FARP2: variants seen among roughly 807,000 people sequenced by gnomAD.
FARP2 encodes the protein FERM, ARHGEF and pleckstrin domain-containing protein 2.
Under a neutral mutation model 130.5 loss-of-function variants are expected in FARP2, and 111 were observed. The observed-to-expected ratio is 0.85, with a 90% CI of 0.73 to 1.00. The LOEUF (loss-of-function observed/expected upper bound fraction) is 1.00, where lower values mean the gene tolerates loss of function less well. Ranked by LOEUF, FARP2 falls within the 50% of genes least tolerant of loss-of-function variation. FARP2 has a pLI of 0.00. For missense variants in FARP2, 1,385 were observed against 1,346.3 expected, an observed-to-expected ratio of 1.03 and a Z score of -0.45; for synonymous variants, 504 against 516.9, an observed-to-expected ratio of 0.98 and a Z score of 0.34.
intron 2 of FARP2, among the ~76,000 whole-genome samples, chr2:241,374,913 A>C (rs1187203317): frequency 6.6e-6 from 1 of 152,096 alleles, no homozygotes; most frequent in African/African-American, 2.4e-5. Flanking sequence ...TCCTGTAGGA[A>C]ATAGGTTAAA....
chr2:241,436,528 T>C lies in FARP2; in HGVS notation c.1148T>C (p.Leu383Pro), dbSNP rs1446130348. 11 of 1,613,998 alleles carry C rather than the reference T, an allele frequency of 6.8e-6. No homozygotes were observed. Among genetic ancestry groups the C allele is most frequent in the Non-Finnish European group, 9.3e-6 (11 of 1,179,942 alleles). Residue 383 changes from leucine (L) to proline (P), a missense_variant, in exon 12 of 27, where the codon CTA (leucine) becomes CCA (proline). Leu to Pro is a moderately conservative substitution (Grantham distance 98, BLOSUM62 -3). Transcript: ENST00000264042. ...TCCGTTCGAGCTCTGACTGCAGACC[T>C]ACCAAAACAGGTTAGTCTCTTCCGG... is the stretch of plus-strand genomic sequence containing the variant. ...HTSVRALTADLPKQSISFPEG... is the reference protein window; with the variant it reads ...HTSVRALTADPPKQSISFPEG...
chr2:241,490,746 G>C lies in FARP2; in HGVS notation c.2505-315G>C, dbSNP rs547071423. Reference sequence around the variant, plus strand: ...TTAATCATGAACCAGGGCCAATCTTGCATTTCAGCATCACAGATGTAGAGA... The same window carrying C: ...TTAATCATGAACCAGGGCCAATCTTCCATTTCAGCATCACAGATGTAGAGA... On this transcript the variant is annotated intron_variant, in intron 22 of 26. Transcript: ENST00000264042. Among the ~76,000 whole-genome samples the C allele has an allele frequency of 9.2e-5, 14 of 152,300 alleles. No homozygotes were observed. The South Asian group carries it at 2.9e-3, about 32-fold the overall frequency.
chr2:241,452,382 G>T (rs898890851), intron 13 of FARP2, among the ~76,000 whole-genome samples: 2 of 151,864 alleles, frequency 1.3e-5, no homozygotes, highest in Non-Finnish European at 1.5e-5. Flanking sequence ...CACATTCATC[G>T]CCAGTTGCTT....
At chr2:241,407,500 C>A (rs377697699) in intron 4 of FARP2, 37 bp from the exon 5 acceptor site, 12 of 1,411,532 alleles carry the variant, frequency 8.5e-6, no homozygotes, top group South Asian at 1.2e-5. Context: ...ATGCAAAGAT[C>A]GGCCTTATTT....
chr2:241,411,057 G>C lies in FARP2; in HGVS notation c.435G>C (p.Lys145Asn), dbSNP rs1391258573. 6 of 1,611,450 alleles carry C rather than the reference G, an allele frequency of 3.7e-6. No homozygotes were observed. In the South Asian group the frequency reaches 6.6e-5, roughly 18 times the overall value. Residue 145 changes from lysine (K) to asparagine (N), a missense_variant, in exon 6 of 27, where the codon AAG becomes AAC. Lys to Asn is a moderately conservative substitution (Grantham distance 94). Transcript: ENST00000264042. ...GATACTTGTTTGCCTTGCAACTTAA[G>C]AGAGACCTGCTGGAAGAGCGTTTGA... ...YTRYLFALQL[K>N]RDLLEERLTC...
In FARP2 at chr2:241,463,999, A is replaced by G. The variant is rs765359456; in HGVS notation, c.1893+19A>G. 47 of 1,599,640 alleles carry G rather than the reference A, an allele frequency of 2.9e-5. No individual in the cohort carries two copies. In the East Asian group the frequency reaches 4.5e-4, roughly 15 times the overall value. On this transcript the variant is annotated intron_variant, in intron 17 of 26. Coordinates refer to ENST00000264042, the MANE Select transcript of FARP2 (RefSeq NM_014808.4). Reference sequence around the variant, plus strand: ...GTTAAAGGTAGGCTGCATGGTGACTACTGCCTACATGAATGCTGTTTATGG... The same window carrying G: ...GTTAAAGGTAGGCTGCATGGTGACTGCTGCCTACATGAATGCTGTTTATGG...
chr2:241,382,401 A>G (rs1249605279), intron 2 of FARP2, among the ~76,000 whole-genome samples: 1 of 149,390 alleles, frequency 6.7e-6, no homozygotes, highest in Non-Finnish European at 1.5e-5. Flanking sequence ...CTCACACCTC[A>G]GCCTCCCAAG....
chr2:241,383,925 G>A (rs2061722456), intron 2 of FARP2, among the ~76,000 whole-genome samples: 1 of 152,078 alleles, frequency 6.6e-6, no homozygotes, highest in Non-Finnish European at 1.5e-5. Flanking sequence ...AAGCGTTGTT[G>A]CTATGTCCTG....
In FARP2 at chr2:241,378,533, C is replaced by T. The variant is rs995095080; in HGVS notation, c.183+5243C>T. On this transcript the variant is annotated intron_variant, in intron 2 of 26. Transcript: ENST00000264042. ...GTTCAGGTGATCGTCCTGCCTCAGC[C>T]TCTTGAGTAGCTGGAACTACAGGCG... is the stretch of plus-strand genomic sequence containing the variant. Among the ~76,000 whole-genome samples, 3 of 151,728 alleles carry T rather than the reference C, an allele frequency of 2.0e-5. No homozygotes were observed. The South Asian group carries it at 6.2e-4, about 32-fold the overall frequency.
rs192747457 is a variant in FARP2, at chr2:241,482,903, C to G, written c.2263-562C>G. Among the ~76,000 whole-genome samples, 9 of 152,212 alleles carry G rather than the reference C, an allele frequency of 5.9e-5. No individual in the cohort carries two copies. The East Asian group carries it at 1.7e-3, about 29-fold the overall frequency. On this transcript the variant is annotated intron_variant, in intron 19 of 26. Transcript: ENST00000264042. This position sits in a 1 kb window ranked among gnomAD's most constrained non-coding sequence, Gnocchi z 4.6. The stretch of plus-strand genomic sequence containing the variant: ...TTCTTATCTAACGCCCTGTGGTGGA[C>G]GAGGTGGTGCTAATTTGAATACTTA...
At chr2:241,357,193 C>A (rs1342410805) in intron 1 of FARP2, among the ~76,000 whole-genome samples, 1 of 152,210 alleles carries the variant, frequency 6.6e-6, no homozygotes, top group South Asian at 2.1e-4. Flanking sequence ...AAACCCAAGG[C>A]CAAATCTTTA....
rs748771708 is a variant in FARP2 at position 241,404,793 on chromosome 2, C to A, written c.289-6C>A. 2 of 1,600,858 alleles carry A rather than the reference C, an allele frequency of 1.2e-6. No individual in the cohort carries two copies. The highest frequency in any genetic ancestry group is 3.3e-5 in the Admixed American group (2 of 59,950). ...GATTGGATTTCTTCTGTTAACTCTT[C>A]TTTAGATTTGGCTTGAACCTATGAA... is the stretch of plus-strand genomic sequence containing the variant. On this transcript the variant is annotated splice_polypyrimidine_tract_variant and splice_region_variant and intron_variant, in intron 3 of 26. Transcript: ENST00000264042.
intron 20 of FARP2, 93 bp downstream of exon 20, chr2:241,483,626 C>T: frequency 7.1e-7 from 1 of 1,401,200 alleles, no homozygotes; most frequent in Non-Finnish European, 1.0e-6. Flanking sequence ...AGCCCATTGG[C>T]CTCTGGGTAG....
At chr2:241,442,206 G>A (rs114618332) in intron 13 of FARP2, 192 of 456,646 alleles carry the variant, frequency 4.2e-4, no homozygotes, top group African/African-American at 3.5e-3. Context: ...GGCTGTCTGT[G>A]CACACATGCA....
At chr2:241,370,223 G>A (rs774553237) in intron 1 of FARP2, among the ~76,000 whole-genome samples, 3 of 152,136 alleles carry the variant, frequency 2.0e-5, no homozygotes, top group Admixed American at 6.5e-5. Context: ...GTTTGAGGTC[G>A]AGGATATCCC....
At chr2:241,437,311 A>G (rs2063257058) in intron 12 of FARP2, among the ~76,000 whole-genome samples, 1 of 152,238 alleles carries the variant, frequency 6.6e-6, no homozygotes, top group Non-Finnish European at 1.5e-5. Flanking sequence ...TTTGACAAGA[A>G]TGTCCCAGAA....
intron 8 of FARP2, among the ~76,000 whole-genome samples, chr2:241,426,510 T>C (rs2062942961): frequency 6.6e-6 from 1 of 152,170 alleles, no homozygotes; most frequent in South Asian, 2.1e-4. Flanking sequence ...GGAGGCAAGA[T>C]TTCAAAGTGG....
At position 241,358,301 on chromosome 2, in the gene FARP2, A is replaced by G. The variant is rs537772496; in HGVS notation, c.-25+1913A>G. On this transcript the variant is annotated intron_variant, in intron 1 of 26. Transcript: ENST00000264042. ...TATCAGGTGGACAAATAATCCGAGT[A>G]GAAAGTAGAACAAGCTAACCCTGGA... 8.5e-5 allele frequency among the ~76,000 whole-genome samples: 13 copies of G among 152,394 alleles called. 1 individual carries two copies. The South Asian group carries it at 2.7e-3, about 32-fold the overall frequency.
intron 8 of FARP2, among the ~76,000 whole-genome samples, chr2:241,418,394 AG>A (rs1176817822): frequency 6.6e-6 from 1 of 151,934 alleles, no homozygotes; most frequent in Non-Finnish European, 1.5e-5. Context: ...CCTGCCCCCC[AG>A]GGCTGCCCAC....
Sources: gnomAD v4.1 joint callset for allele counts (sites outside exome capture counted in the v4.1 genomes callset) on GRCh38, gnomAD v4.1.1 for gene constraint, Gnocchi (gnomAD v3.1) non-coding constraint, MANE v1.5 for transcripts, NCBI Gene and HGNC (gene_info 2026-07-23, HGNC 2026-07-21) for gene names.